Variants in SPAG16 observed in about 807,000 individuals in gnomAD.
SPAG16 encodes sperm-associated antigen 16 protein.
In SPAG16, 86 loss-of-function variants were observed where a neutral mutation model predicts 80.4. That is an observed-to-expected ratio of 1.07 (90% confidence interval 0.90 to 1.28). The LOEUF (loss-of-function observed/expected upper bound fraction) is 1.28, where lower values mean the gene tolerates loss of function less well. Among genes scored for constraint, SPAG16 ranks in the 50% most tolerant of loss-of-function variants. The pLI, the probability that SPAG16 is intolerant of heterozygous loss-of-function variation, is 0.00. For synonymous variants in SPAG16, 294 were observed against 265.9 expected (o/e 1.11, Z -1.03); for missense variants, 870 against 765.3 (o/e 1.14, Z -1.61).
intron 10 of SPAG16, among the ~76,000 whole-genome samples, chr2:213,676,508 T>C (rs2064084558): frequency 6.6e-6 from 1 of 151,852 alleles, no homozygotes; most frequent in Non-Finnish European, 1.5e-5. Flanking sequence ...AGTATGATAT[T>C]GGCTGTGGGT....
rs192209637 is a variant in SPAG16, at chr2:214,280,165, T to G, written c.1721-129975T>G. 1.7e-3 allele frequency among the ~76,000 whole-genome samples: 264 copies of G among 152,286 alleles called. 1 individual carries two copies. Among genetic ancestry groups the G allele is most frequent in the Non-Finnish European group, 3.0e-3 (201 of 68,024 alleles). On this transcript the variant is annotated intron_variant, in intron 15 of 15. Transcript: ENST00000331683. ...ATGATGTCGGTAATGCAATGTTGGT[T>G]TAATATTTGAAATCAGACAATGTAA...
intron 15 of SPAG16, among the ~76,000 whole-genome samples, chr2:214,274,168 G>A (rs1008810585): frequency 2.0e-5 from 3 of 152,204 alleles, no homozygotes; most frequent in African/African-American, 4.8e-5. Flanking sequence ...CTTTGCTGAA[G>A]TTGCTTCTCA....
intron 9 of SPAG16, among the ~76,000 whole-genome samples, chr2:213,466,932 G>A (rs1332974662): frequency 1.3e-5 from 2 of 152,182 alleles, no homozygotes; most frequent in African/African-American, 4.8e-5. Context: ...GAGAGGCAGG[G>A]TATAGTGGTA....
chr2:213,403,034 A>T (rs2068408999), intron 9 of SPAG16, among the ~76,000 whole-genome samples: 1 of 151,912 alleles, frequency 6.6e-6, no homozygotes, highest in Admixed American at 6.6e-5. Flanking sequence ...ACTAGTTTAC[A>T]GTCCCACCAA....
intron 9 of SPAG16, among the ~76,000 whole-genome samples, chr2:213,475,396 T>A (rs777385554): frequency 5.9e-5 from 9 of 152,114 alleles, no homozygotes; most frequent in Non-Finnish European, 1.3e-4. Flanking sequence ...TTCTTCAAAG[T>A]CTGAGGGGTC....
At chr2:214,055,332 G>A (rs933408256) in intron 13 of SPAG16, among the ~76,000 whole-genome samples, 11 of 152,048 alleles carry the variant, frequency 7.2e-5, no homozygotes, top group South Asian at 6.2e-4. Context: ...TTTCATTATC[G>A]AATAGCCCAT....
chr2:214,138,609 T>C (rs1202410692), intron 14 of SPAG16, among the ~76,000 whole-genome samples: 4 of 152,154 alleles, frequency 2.6e-5, no homozygotes, highest in Non-Finnish European at 5.9e-5. Flanking sequence ...AACTGGCATT[T>C]AGATTTAGCA....
At chr2:213,683,996 C>T (rs1164052347) in intron 10 of SPAG16, among the ~76,000 whole-genome samples, 15 of 152,144 alleles carry the variant, frequency 9.9e-5, no homozygotes, top group Non-Finnish European at 1.9e-4. Context: ...GTTCTTTCTT[C>T]AATTTTGTGG....
At chr2:213,400,760 C>T (rs895154032) in intron 9 of SPAG16, among the ~76,000 whole-genome samples, 2 of 152,026 alleles carry the variant, frequency 1.3e-5, no homozygotes, top group African/African-American at 4.8e-5. Flanking sequence ...TTACTCCCTC[C>T]CATCATTTTA....
chr2:213,539,609 T>C (rs904213497), intron 10 of SPAG16, among the ~76,000 whole-genome samples: 4 of 152,170 alleles, frequency 2.6e-5, no homozygotes, highest in African/African-American at 7.2e-5. Flanking sequence ...CTTAAAAAAA[T>C]GCATGATTGA....
chr2:213,409,265 A>G (rs924523109), intron 9 of SPAG16, among the ~76,000 whole-genome samples: 1 of 152,208 alleles, frequency 6.6e-6, no homozygotes, highest in Non-Finnish European at 1.5e-5. Flanking sequence ...GGCCTCCTGA[A>G]TGTAAAACTA....
chr2:213,510,803 A>G (rs781468967), intron 10 of SPAG16, among the ~76,000 whole-genome samples: 1 of 152,186 alleles, frequency 6.6e-6, no homozygotes, highest in African/African-American at 2.4e-5. Context: ...TACTTAATGG[A>G]ATATACCTAT....
At chr2:214,232,285 T>G (rs1688751727) in intron 15 of SPAG16, among the ~76,000 whole-genome samples, 1 of 152,032 alleles carries the variant, frequency 6.6e-6, no homozygotes, top group Admixed American at 6.6e-5. Flanking sequence ...GAGTATAGTA[T>G]CTTTTACCTT....
At chr2:213,661,101 C>T (rs538346711) in intron 10 of SPAG16, among the ~76,000 whole-genome samples, 8 of 152,280 alleles carry the variant, frequency 5.3e-5, no homozygotes, top group Middle Eastern at 6.8e-3. Flanking sequence ...CATGGTGGTG[C>T]TAGGTCTCTG....
intron 15 of SPAG16, among the ~76,000 whole-genome samples, chr2:214,320,183 T>C (rs1695999416): frequency 6.6e-6 from 1 of 152,230 alleles, no homozygotes; most frequent in Admixed American, 6.5e-5. Context: ...GATTTCTCAA[T>C]GCCATGCTGT....
chr2:214,344,766 C>G (rs547932311), intron 15 of SPAG16, among the ~76,000 whole-genome samples: 1 of 152,224 alleles, frequency 6.6e-6, no homozygotes, highest in Admixed American at 6.5e-5. Context: ...CAGACTAAGA[C>G]CATACTCTGG....
At chr2:213,305,277 A>G (rs2062895305) in intron 3 of SPAG16, among the ~76,000 whole-genome samples, 1 of 152,052 alleles carries the variant, frequency 6.6e-6, no homozygotes, top group African/African-American at 2.4e-5. Flanking sequence ...GTTTTTTTCG[A>G]GTATAACATC....
At chr2:213,577,749 G>A (rs763629431) in intron 10 of SPAG16, among the ~76,000 whole-genome samples, 1 of 151,998 alleles carries the variant, frequency 6.6e-6, no homozygotes, top group Admixed American at 6.6e-5. Flanking sequence ...AAAGTTGCTC[G>A]GTTATTTGAG....
chr2:214,400,170 T>C (rs1044169497), intron 15 of SPAG16, among the ~76,000 whole-genome samples: 3 of 152,022 alleles, frequency 2.0e-5, no homozygotes, highest in Non-Finnish European at 4.4e-5. Flanking sequence ...TTTTTAAAAC[T>C]CCACACAGGC....
Sources: gnomAD v4.1 joint callset for allele counts (sites outside exome capture counted in the v4.1 genomes callset) on GRCh38, gnomAD v4.1.1 for gene constraint, MANE v1.5 for transcripts, NCBI Gene and HGNC (gene_info 2026-07-23, HGNC 2026-07-21) for gene names.